Variants in TMEM144 observed in about 807,000 individuals in gnomAD.
TMEM144 encodes transmembrane protein 144.
TMEM144 carries 39 observed loss-of-function variants against 43.6 expected under a neutral mutation model. The observed-to-expected ratio is 0.90, with a 90% CI of 0.69 to 1.17. The LOEUF (loss-of-function observed/expected upper bound fraction) is 1.17. Among genes scored for constraint, TMEM144 ranks in the 50% most tolerant of loss-of-function variants. The probability of loss-of-function intolerance (pLI) is 0.00; values close to 1 mark genes in which losing one functional copy is unlikely to be tolerated. For synonymous variants in TMEM144, 154 were observed against 133.6 expected (o/e 1.15, Z -1.06); for missense variants, 417 against 411.9 (o/e 1.01, Z -0.11).
Position 158,253,444 on chromosome 4 carries a change from G to C in TMEM144, c.955G>C (p.Gly319Arg). The C allele has an allele frequency of 6.2e-7, 1 of 1,610,164 alleles. No homozygotes were observed. Among genetic ancestry groups the C allele is most frequent in the South Asian group, 1.1e-5 (1 of 90,794 alleles). ...ACTGTTATTCTTTTTTCTTATTCAG[G>C]GTCTACAAAACTACCTATTAATGAT... ...WGIFMFKEIK[G>R]LQNYLLMILA... is the part of the protein sequence containing the mutation. The change falls in exon 13 of 13, where the codon GGT becomes CGT. Residue 319 changes from glycine (G) to arginine (R), a missense_variant and splice_region_variant. Physicochemically the swap from Gly to Arg is moderately radical, Grantham distance 125. Transcript: ENST00000296529.
chr4:158,232,509 A>C (rs1330801018), intron 6 of TMEM144, among the ~76,000 whole-genome samples: 1 of 152,240 alleles, frequency 6.6e-6, no homozygotes, highest in Non-Finnish European at 1.5e-5. Flanking sequence ...TTCTATCAGC[A>C]GTATCTGAGA....
rs1299653244 is a variant in TMEM144 at position 158,231,898 on chromosome 4, G to A, written c.414-1003G>A. Among the ~76,000 whole-genome samples, 36 of 152,266 alleles carry A rather than the reference G, an allele frequency of 2.4e-4. 1 individual carries two copies. The highest frequency in any genetic ancestry group is 2.4e-3 in the Admixed American group (36 of 15,302). Reference sequence around the variant, plus strand: ...CATGTTTTAAAGCAAGTAAGAGATTGAACAAAGAAACCTAACTAGAGCATT... The same window carrying A: ...CATGTTTTAAAGCAAGTAAGAGATTAAACAAAGAAACCTAACTAGAGCATT... On this transcript the variant is annotated intron_variant, in intron 6 of 12. Transcript: ENST00000296529.
At chr4:158,231,978 C>T (rs1579126292) in intron 6 of TMEM144, among the ~76,000 whole-genome samples, 1 of 152,196 alleles carries the variant, frequency 6.6e-6, no homozygotes, top group South Asian at 2.1e-4. Context: ...ACCTAGCTAC[C>T]TACCCTATTT....
chr4:158,253,333 G>A, intron 12 of TMEM144, 111 bp from the exon 13 acceptor site: 1 of 845,020 alleles, frequency 1.2e-6, no homozygotes, highest in Non-Finnish European at 1.8e-6. Flanking sequence ...GCAAAAAAGG[G>A]TACAGGCGGC....
intron 4 of TMEM144, among the ~76,000 whole-genome samples, chr4:158,215,778 T>C (rs1734192011): frequency 6.6e-6 from 1 of 152,212 alleles, no homozygotes; most frequent in Non-Finnish European, 1.5e-5. Flanking sequence ...AAAATCTTCC[T>C]GTTGCCTTAT....
At chr4:158,249,732 C>G (rs1191593535) in intron 12 of TMEM144, among the ~76,000 whole-genome samples, 1 of 152,048 alleles carries the variant, frequency 6.6e-6, no homozygotes, top group Non-Finnish European at 1.5e-5. Flanking sequence ...ATTTCAAATT[C>G]ACAAAATATA....
chr4:158,222,413 C>A (rs1734553151), intron 6 of TMEM144, among the ~76,000 whole-genome samples: 1 of 152,222 alleles, frequency 6.6e-6, no homozygotes, highest in African/African-American at 2.4e-5. Flanking sequence ...ACACCACACT[C>A]CAGACATCTC....
At chr4:158,221,850 A>G (rs1734524261) in intron 6 of TMEM144, among the ~76,000 whole-genome samples, 2 of 152,160 alleles carry the variant, frequency 1.3e-5, no homozygotes, top group South Asian at 4.1e-4. Context: ...ATCTGAGATA[A>G]CACACAGAAG....
At chr4:158,219,162 G>A in intron 5 of TMEM144, 148 bp from the exon 6 acceptor site, 1 of 731,172 alleles carries the variant, frequency 1.4e-6, no homozygotes, top group Non-Finnish European at 2.2e-6. Flanking sequence ...GAGGCACAGT[G>A]AAGATAATTA....
At chr4:158,236,536 A>G (rs1410661893) in intron 8 of TMEM144, among the ~76,000 whole-genome samples, 19 of 152,228 alleles carry the variant, frequency 1.2e-4, no homozygotes, top group Admixed American at 1.2e-3. Flanking sequence ...TTCCAGGATG[A>G]GTAGAACATG....
At position 158,215,241 on chromosome 4, in the gene TMEM144, G is replaced by C; in HGVS notation, c.160G>C (p.Val54Leu). ...TGCTGCCATATGGTTGGTTGCCTTG[G>C]TTGTCAATCTGATATTACATTGTCC... ...LCAAIWLVALVVNLILHCPKF... is the reference protein window; with the variant it reads ...LCAAIWLVALLVNLILHCPKF... The change falls in exon 4 of 13, where the codon GTT (valine) becomes CTT (leucine). Residue 54 changes from valine (V) to leucine (L), a missense_variant. Val to Leu is a conservative substitution (Grantham distance 32). Transcript: ENST00000296529. The C allele has an allele frequency of 6.2e-7, 1 of 1,613,818 alleles. No individual in the cohort carries two copies. Among genetic ancestry groups the C allele is most frequent in the East Asian group, 2.2e-5 (1 of 44,864 alleles).
At position 158,253,606 on chromosome 4, in the gene TMEM144, G is replaced by A; in HGVS notation, c.*79G>A. On this transcript the variant is annotated 3_prime_UTR_variant, in exon 13 of 13. Coordinates refer to ENST00000296529, the MANE Select transcript of TMEM144 (RefSeq NM_018342.5). ...CAGCGGAGAGATCATGCTGAGAAAAGAGTGCATTTTCATATAGCAAATGGA... is the reference window on the plus strand; with the variant it reads ...CAGCGGAGAGATCATGCTGAGAAAAAAGTGCATTTTCATATAGCAAATGGA... 1 of 1,235,216 alleles carries A rather than the reference G, an allele frequency of 8.1e-7. No homozygotes were observed. Among genetic ancestry groups the A allele is most frequent in the Non-Finnish European group, 1.2e-6 (1 of 859,286 alleles). 76.5% of individuals were successfully genotyped at this position (1,235,216 alleles called of 1,614,324 possible).
chr4:158,249,413 T>C (rs1736067684), intron 12 of TMEM144, among the ~76,000 whole-genome samples: 1 of 152,190 alleles, frequency 6.6e-6, no homozygotes, highest in Non-Finnish European at 1.5e-5. Context: ...ATTATCTTAG[T>C]AGAAATCCAA....
chr4:158,225,777 A>G lies in TMEM144; in HGVS notation c.413+6387A>G, dbSNP rs544231567. On this transcript the variant is annotated intron_variant, in intron 6 of 12. Transcript: ENST00000296529. ...TCTTGAAAATTCTTAAACTCATCAC[A>G]TCCTTTCAGGTCTCTAAGGAATGCT... 1.7e-3 allele frequency among the ~76,000 whole-genome samples: 252 copies of G among 152,362 alleles called. 2 individuals are homozygous for G. The highest frequency in any genetic ancestry group is 2.9e-3 in the Non-Finnish European group (194 of 68,032).
intron 6 of TMEM144, among the ~76,000 whole-genome samples, chr4:158,229,816 C>A (rs146874487): frequency 7.9e-5 from 12 of 152,322 alleles, no homozygotes; most frequent in African/African-American, 2.6e-4. Flanking sequence ...GGGAACACTT[C>A]TTGGGGATCA....
intron 5 of TMEM144, among the ~76,000 whole-genome samples, chr4:158,218,430 A>G (rs57558793): frequency 0.27 from 41,784 of 152,004 alleles, 6,207 homozygotes; most frequent in African/African-American, 0.38. Context: ...ACCTCAAAAC[A>G]ACAAAACAAA....
At chr4:158,227,510 G>A (rs1560827114) in intron 6 of TMEM144, among the ~76,000 whole-genome samples, 1 of 151,834 alleles carries the variant, frequency 6.6e-6, no homozygotes, top group African/African-American at 2.4e-5. Flanking sequence ...AAGGTACACT[G>A]TTTTTTTTCT....
rs142569547 is a variant in TMEM144, at chr4:158,246,030, A to G, written c.954+1681A>G. ...CATGGTGGCATCTACCTGTAGTCCA[A>G]CTATGCAGGAGGATCACTTGAGCCT... On this transcript the variant is annotated intron_variant, in intron 12 of 12. Transcript: ENST00000296529. Among the ~76,000 whole-genome samples, 1,440 of 152,272 alleles carry G rather than the reference A, an allele frequency of 9.5e-3. 12 individuals carry two copies. The highest frequency in any genetic ancestry group is 0.017 in the Non-Finnish European group (1,136 of 68,006).
intron 6 of TMEM144, among the ~76,000 whole-genome samples, chr4:158,231,593 A>T (rs1439552954): frequency 6.6e-6 from 1 of 152,152 alleles, no homozygotes; most frequent in African/African-American, 2.4e-5. Context: ...CCCAAGGGGA[A>T]GTTTTTTTTT....
Sources: gnomAD v4.1 joint callset for allele counts (sites outside exome capture counted in the v4.1 genomes callset) on GRCh38, gnomAD v4.1.1 for gene constraint, MANE v1.5 for transcripts, NCBI Gene and HGNC (gene_info 2026-07-23, HGNC 2026-07-21) for gene names.